Variants in ZFHX3 observed in about 807,000 individuals in gnomAD.
The protein encoded by ZFHX3 is zinc finger homeobox 3, also known as zinc finger homeobox protein 3.
Under a neutral mutation model 279.1 loss-of-function variants are expected in ZFHX3, and 42 were observed. That is an observed-to-expected ratio of 0.15 (90% confidence interval 0.12 to 0.19). ZFHX3 has a LOEUF of 0.19. Ranked by LOEUF, ZFHX3 falls within the 10% of genes least tolerant of loss-of-function variation. The pLI is 1.00. For missense variants in ZFHX3, 4,981 were observed against 4,754.0 expected (o/e 1.05, Z -1.40); for synonymous variants, 2,293 against 1,957.8 (o/e 1.17, Z -4.52).
chr16:73,840,320 GC>G (rs1482669913), intron 1 of ZFHX3, among the ~76,000 whole-genome samples: 1 of 152,022 alleles, frequency 6.6e-6, no homozygotes, highest in Non-Finnish European at 1.5e-5. Flanking sequence ...AGTCCCAAAA[GC>G]CCCCACCACC....
chr16:73,151,865 A>G (rs914336456), intron 5 of ZFHX3, among the ~76,000 whole-genome samples: 6 of 139,030 alleles, frequency 4.3e-5, no homozygotes, highest in African/African-American at 1.4e-4. Flanking sequence ...CAGTTAAAAG[A>G]AGAATGCAAA....
intron 1 of ZFHX3, among the ~76,000 whole-genome samples, chr16:73,692,670 T>C (rs115329488): frequency 0.015 from 2,340 of 152,308 alleles, 58 homozygotes; most frequent in African/African-American, 0.053. Context: ...TTGGGATCGA[T>C]ACGTTAGAGT....
At position 72,957,814 on chromosome 16, in the gene ZFHX3, C is replaced by CCG; in HGVS notation, c.2331_2332insCG (p.Ala778ArgfsTer47). On this transcript the variant is annotated frameshift_variant, in exon 2 of 10. Coordinates refer to ENST00000268489, the MANE Select transcript of ZFHX3 (RefSeq NM_006885.4). LOFTEE classifies it high-confidence loss of function. Reference sequence around the variant, plus strand: ...ATATTGGCTGCCGCCGCCGCCGCAGCCACCGCCGCCGCCGCCGCCCCGGCA... The same window carrying CCG: ...ATATTGGCTGCCGCCGCCGCCGCAGCCGCACCGCCGCCGCCGCCGCCCCGGCA... The CCG allele has an allele frequency of 1.0e-5, 8 of 796,214 alleles. No individual in the cohort carries two copies. The highest frequency in any genetic ancestry group is 4.0e-5 in the South Asian group (2 of 49,846). The allele number at this position is 796,214 out of a possible 1,614,324, so 49.3% of individuals were successfully genotyped here.
At chr16:72,928,690 T>C (rs1324327253) in intron 3 of ZFHX3, among the ~76,000 whole-genome samples, 1 of 152,182 alleles carries the variant, frequency 6.6e-6, no homozygotes, top group African/African-American at 2.4e-5. Flanking sequence ...AAAATACAAA[T>C]TCTTAGGCCA....
At chr16:72,899,117 C>T (rs924660533) in intron 3 of ZFHX3, among the ~76,000 whole-genome samples, 1 of 152,210 alleles carries the variant, frequency 6.6e-6, no homozygotes, top group African/African-American at 2.4e-5. Context: ...TACTTCTTCC[C>T]TAGCACTATT....
At chr16:73,168,587 C>T (rs9921852) in intron 5 of ZFHX3, among the ~76,000 whole-genome samples, 2,176 of 152,218 alleles carry the variant, frequency 0.014, 55 homozygotes, top group African/African-American at 0.049. Context: ...TTCTCTGTAC[C>T]TAAATGTTCT....
chr16:73,849,085 C>T (rs1047090330), intron 1 of ZFHX3, among the ~76,000 whole-genome samples: 12 of 152,200 alleles, frequency 7.9e-5, no homozygotes, highest in African/African-American at 2.7e-4. Flanking sequence ...AATATTCCTA[C>T]GTGTAAACTG....
chr16:73,878,382 A>G (rs2030022620), intron 1 of ZFHX3, among the ~76,000 whole-genome samples: 1 of 152,176 alleles, frequency 6.6e-6, no homozygotes, highest in African/African-American at 2.4e-5. Flanking sequence ...TTAGGGGTTC[A>G]GCCAAGAAGA....
chr16:73,846,900 C>T (rs1284492497), intron 1 of ZFHX3, among the ~76,000 whole-genome samples: 2 of 152,104 alleles, frequency 1.3e-5, no homozygotes, highest in Non-Finnish European at 2.9e-5. Context: ...AGCAAGGAGG[C>T]CCTTTTTTTA....
intron 5 of ZFHX3, among the ~76,000 whole-genome samples, chr16:73,249,397 A>T (rs952276870): frequency 1.3e-5 from 2 of 152,260 alleles, no homozygotes; most frequent in African/African-American, 4.8e-5. Flanking sequence ...TAACAGACTC[A>T]CAGTTCCAAA....
At chr16:73,450,382 A>C (rs1193863971) in intron 3 of ZFHX3, among the ~76,000 whole-genome samples, 1 of 152,230 alleles carries the variant, frequency 6.6e-6, no homozygotes, top group Non-Finnish European at 1.5e-5. Context: ...TAGGTGGTAG[A>C]AGTTTTGATG....
chr16:73,798,766 G>A (rs977331967), intron 1 of ZFHX3, among the ~76,000 whole-genome samples: 1 of 152,176 alleles, frequency 6.6e-6, no homozygotes, highest in South Asian at 2.1e-4. Context: ...ACCACAGGGT[G>A]CTTAAGCCCT....
chr16:73,071,934 A>C (rs1258086836), intron 8 of ZFHX3, among the ~76,000 whole-genome samples: 1 of 152,128 alleles, frequency 6.6e-6, no homozygotes, highest in Non-Finnish European at 1.5e-5. Flanking sequence ...GATGGGCCCC[A>C]TTGCTTCCAC....
At chr16:73,877,665 A>T (rs1170370768) in intron 1 of ZFHX3, among the ~76,000 whole-genome samples, 1 of 152,214 alleles carries the variant, frequency 6.6e-6, no homozygotes, top group East Asian at 1.9e-4. Context: ...GATAAATGGA[A>T]GTCAAATATT....
intron 5 of ZFHX3, among the ~76,000 whole-genome samples, chr16:72,822,956 T>C (rs1277744724): frequency 6.6e-6 from 1 of 152,226 alleles, no homozygotes; most frequent in African/African-American, 2.4e-5. Flanking sequence ...CAAGTCCAGA[T>C]ATACACCACA....
intron 5 of ZFHX3, among the ~76,000 whole-genome samples, chr16:73,188,494 C>T (rs1267006730): frequency 6.6e-6 from 1 of 152,248 alleles, no homozygotes; most frequent in Non-Finnish European, 1.5e-5. Context: ...TGTGAAGACA[C>T]TCTCACCTGA....
chr16:73,477,192 C>G (rs979868215), intron 2 of ZFHX3, among the ~76,000 whole-genome samples: 1 of 152,182 alleles, frequency 6.6e-6, no homozygotes, highest in Admixed American at 6.5e-5. Flanking sequence ...GGAAAGTCTT[C>G]TTAAAATAAC....
At chr16:73,191,676 G>A (rs1305855879) in intron 5 of ZFHX3, among the ~76,000 whole-genome samples, 3 of 151,442 alleles carry the variant, frequency 2.0e-5, no homozygotes, top group Non-Finnish European at 4.4e-5. Flanking sequence ...TCTCTCTCTG[G>A]TCCCCTCTCA....
rs1567627586 is a variant in ZFHX3, at chr16:73,003,513, C to G, written c.-49-43319G>C. ...GACCAGCCTGGCCAACATGGTGAGA[C>G]CCCCCCCTCCCCACCCCGCCCCATC... On this transcript the variant is annotated intron_variant, in intron 1 of 9. Coordinates refer to ENST00000268489, the MANE Select transcript of ZFHX3 (RefSeq NM_006885.4). Among the ~76,000 whole-genome samples, 7 of 54,846 alleles carry G rather than the reference C, an allele frequency of 1.3e-4. 1 individual carries two copies. Among genetic ancestry groups the G allele is most frequent in the African/African-American group, 6.0e-4 (7 of 11,612 alleles). 36.0% of individuals were successfully genotyped at this position (54,846 alleles called of 152,430 possible).
Sources: allele counts gnomAD v4.1 joint callset (sites outside exome capture counted in the v4.1 genomes callset), GRCh38; gene constraint gnomAD v4.1.1; transcripts MANE v1.5; gene names NCBI Gene and HGNC (gene_info 2026-07-23, HGNC 2026-07-21).